Variants in STAT4 observed in about 807,000 individuals in gnomAD.
The protein encoded by STAT4 is signal transducer and activator of transcription 4.
Under a neutral mutation model 110.5 loss-of-function variants are expected in STAT4, and 42 were observed. That is an observed-to-expected ratio of 0.38 (90% CI 0.30 to 0.49). STAT4 has a LOEUF of 0.49. STAT4 is among the 20% of genes least tolerant of loss of function. STAT4 has a pLI of 0.95. For missense variants in STAT4, 632 were observed against 887.9 expected, an observed-to-expected ratio of 0.71 and a Z score of 3.66; for synonymous variants, 284 against 302.2, an observed-to-expected ratio of 0.94 and a Z score of 0.63.
Position 191,069,718 on chromosome 2 carries a change from G to A in STAT4, c.519C>T (p.Tyr173=). The A allele has an allele frequency of 6.2e-7, 1 of 1,609,698 alleles. No individual in the cohort carries two copies. The highest frequency in any genetic ancestry group is 8.5e-7 in the Non-Finnish European group (1 of 1,178,446). ...YLEDLQDEFD[Y]RYKTIQTMDQ... ...CCATTGTCTGAATTGTTTTATACCT[G>A]TAGTCAAATTCGTCTTGCAGATCTT... The change falls in exon 6 of 24, where the codon TAC becomes TAT. Residue 173 remains tyrosine (Y), a synonymous_variant. Transcript: ENST00000392320.
At chr2:191,111,135 A>G (rs1034658005) in intron 3 of STAT4, among the ~76,000 whole-genome samples, 2 of 152,242 alleles carry the variant, frequency 1.3e-5, no homozygotes, top group African/African-American at 4.8e-5. Context: ...ACATATAAAA[A>G]GCAAAAATAT....
At chr2:191,069,416 G>A (rs1697082419) in intron 6 of STAT4, among the ~76,000 whole-genome samples, 2 of 152,028 alleles carry the variant, frequency 1.3e-5, no homozygotes, top group South Asian at 4.1e-4. Context: ...TGCTGAAGTA[G>A]GGGTAATTCC....
chr2:191,044,500 A>C (rs528682418), intron 14 of STAT4, among the ~76,000 whole-genome samples: 1 of 152,190 alleles, frequency 6.6e-6, no homozygotes, highest in Non-Finnish European at 1.5e-5. Context: ...TTGGCTCCCT[A>C]GTACTTTTTC....
intron 3 of STAT4, among the ~76,000 whole-genome samples, chr2:191,079,832 A>G (rs999171359): frequency 1.5e-4 from 23 of 152,048 alleles, no homozygotes; most frequent in African/African-American, 5.3e-4. Context: ...AAATTTGTTG[A>G]GACTTGTTTT....
At chr2:191,084,457 A>G (rs952063659) in intron 3 of STAT4, among the ~76,000 whole-genome samples, 2 of 152,170 alleles carry the variant, frequency 1.3e-5, no homozygotes, top group African/African-American at 4.8e-5. Flanking sequence ...TTAAGAATTG[A>G]CATTACAATT....
intron 3 of STAT4, among the ~76,000 whole-genome samples, chr2:191,094,081 G>T (rs1166618133): frequency 2.0e-5 from 3 of 152,106 alleles, no homozygotes; most frequent in Non-Finnish European, 4.4e-5. Context: ...AAGAAATATG[G>T]GACTATGTGA....
chr2:191,131,029 G>A (rs1352594369), intron 3 of STAT4, among the ~76,000 whole-genome samples: 1 of 151,664 alleles, frequency 6.6e-6, no homozygotes, highest in African/African-American at 2.4e-5. Flanking sequence ...GAGGAAATAA[G>A]GCAGATATAC....
rs34244963 is a variant in STAT4, at chr2:191,141,614, CATAT to C, written c.273+4995_273+4998del. Among the ~76,000 whole-genome samples, 98 of 146,234 alleles carry C rather than the reference CATAT, an allele frequency of 6.7e-4. 1 individual carries two copies. Among genetic ancestry groups the C allele is most frequent in the African/African-American group, 2.1e-3 (82 of 39,956 alleles). On this transcript the variant is annotated intron_variant, in intron 3 of 23. Coordinates refer to ENST00000392320, the MANE Select transcript of STAT4 (RefSeq NM_003151.4). ...ATATATGTGTATATATACACACACA[CATAT>C]ATATATATATGATTATATATATATA...
intron 3 of STAT4, among the ~76,000 whole-genome samples, chr2:191,096,971 C>T (rs1698005486): frequency 6.6e-6 from 1 of 152,018 alleles, no homozygotes; most frequent in South Asian, 2.1e-4. Context: ...TCTTATACAC[C>T]AATAACAGAC....
rs541837064 is a variant in STAT4, at chr2:191,116,886, T to A, written c.273+29727A>T. Among the ~76,000 whole-genome samples, 1 of 152,212 alleles carries A rather than the reference T, an allele frequency of 6.6e-6. No homozygotes were observed. Among genetic ancestry groups the A allele is most frequent in the East Asian group, 1.9e-4 (1 of 5,204 alleles). ...CTTGAGGTGGACAGTAAATAAATCTTTGGGAATCCATCGCTTCCACTAAGA... is the reference window on the plus strand; with the variant it reads ...CTTGAGGTGGACAGTAAATAAATCTATGGGAATCCATCGCTTCCACTAAGA... On this transcript the variant is annotated intron_variant, in intron 3 of 23. Transcript: ENST00000392320. The surrounding 1 kb of genome is among the most constrained non-coding windows in gnomAD (Gnocchi z 4.1).
chr2:191,087,162 G>A (rs1478971693), intron 3 of STAT4, among the ~76,000 whole-genome samples: 1 of 152,106 alleles, frequency 6.6e-6, no homozygotes, highest in African/African-American at 2.4e-5. Flanking sequence ...CTATTCTCAG[G>A]ACTAATATAG....
chr2:191,051,514 A>C lies in STAT4; in HGVS notation c.1251+2976T>G, dbSNP rs1011003703. ...ATTGCCTGAAGAGGCAAAAACCAAC[A>C]CTGCTAACTCCACTATGCCACTGAG... is the stretch of plus-strand genomic sequence containing the variant. On this transcript the variant is annotated intron_variant, in intron 14 of 23. Coordinates refer to ENST00000392320, the MANE Select transcript of STAT4 (RefSeq NM_003151.4). This position sits in a 1 kb window ranked among gnomAD's most constrained non-coding sequence, Gnocchi z 5.6. Among the ~76,000 whole-genome samples, 7 of 152,236 alleles carry C rather than the reference A, an allele frequency of 4.6e-5. No homozygotes were observed. Among genetic ancestry groups the C allele is most frequent in the Admixed American group, 6.5e-5 (1 of 15,290 alleles).
At chr2:191,074,244 A>T (rs1278775427) in intron 4 of STAT4, among the ~76,000 whole-genome samples, 1 of 152,192 alleles carries the variant, frequency 6.6e-6, no homozygotes, top group Non-Finnish European at 1.5e-5. Context: ...CAGCCCCTTC[A>T]TCTTAAGTTG....
chr2:191,063,311 C>T (rs948890860), intron 8 of STAT4, among the ~76,000 whole-genome samples: 1 of 152,114 alleles, frequency 6.6e-6, no homozygotes, highest in Non-Finnish European at 1.5e-5. Context: ...TAAAAAAATG[C>T]CATGATTAAT....
In STAT4 at chr2:191,112,329, T is replaced by C. The variant is rs1698446805; in HGVS notation, c.273+34284A>G. On this transcript the variant is annotated intron_variant, in intron 3 of 23. Transcript: ENST00000392320. The surrounding 1 kb of genome is among the most constrained non-coding windows in gnomAD (Gnocchi z 4.3). The stretch of plus-strand genomic sequence containing the variant: ...TGTGACCTTGGGCAACAGCGTGACC[T>C]TTCCAAGCCTCAGTTCCCTCATCTG... Among the ~76,000 whole-genome samples the C allele has an allele frequency of 6.6e-6, 1 of 152,176 alleles. No homozygotes were observed. Among genetic ancestry groups the C allele is most frequent in the South Asian group, 2.1e-4 (1 of 4,830 alleles).
At position 191,086,509 on chromosome 2, in the gene STAT4, G is replaced by A. The variant is rs1697640314; in HGVS notation, c.274-10184C>T. Among the ~76,000 whole-genome samples, 2 of 152,136 alleles carry A rather than the reference G, an allele frequency of 1.3e-5. No individual in the cohort carries two copies. The highest frequency in any genetic ancestry group is 4.8e-5 in the African/African-American group (2 of 41,420). Reference sequence around the variant, plus strand: ...CATTTTATACAAATAATCAGACCAAGTATAATTAAACTAAAACTTACTGTG... The same window carrying A: ...CATTTTATACAAATAATCAGACCAAATATAATTAAACTAAAACTTACTGTG... On this transcript the variant is annotated intron_variant, in intron 3 of 23. Coordinates refer to ENST00000392320, the MANE Select transcript of STAT4 (RefSeq NM_003151.4). This position sits in a 1 kb window ranked among gnomAD's most constrained non-coding sequence, Gnocchi z 5.5.
intron 5 of STAT4, among the ~76,000 whole-genome samples, chr2:191,071,033 A>G (rs574566323): frequency 6.6e-6 from 1 of 152,326 alleles, no homozygotes; most frequent in East Asian, 1.9e-4. Flanking sequence ...CCATACTTAT[A>G]AACCTTAGAA....
chr2:191,094,923 A>C (rs1473905911), intron 3 of STAT4, among the ~76,000 whole-genome samples: 2 of 150,600 alleles, frequency 1.3e-5, no homozygotes, highest in African/African-American at 2.4e-5. Context: ...AAAGCAAAAA[A>C]AAAAAAAAAA....
chr2:191,062,977 AT>A lies in STAT4; in HGVS notation c.783-58del. The A allele has an allele frequency of 6.8e-7, 1 of 1,474,722 alleles. No homozygotes were observed. Among genetic ancestry groups the A allele is most frequent in the Non-Finnish European group, 9.3e-7 (1 of 1,079,436 alleles). 91.4% of individuals were successfully genotyped at this position (1,474,722 alleles called of 1,614,324 possible). On this transcript the variant is annotated intron_variant, in intron 8 of 23. Coordinates refer to ENST00000392320, the MANE Select transcript of STAT4 (RefSeq NM_003151.4). The surrounding 1 kb of genome is among the most constrained non-coding windows in gnomAD (Gnocchi z 4.9). ...TTTTTCCACTTAATAATAAAAAAGC[AT>A]TGTAACAATGGGTCATAGTTAATAA...
Sources: allele counts gnomAD v4.1 joint callset (sites outside exome capture counted in the v4.1 genomes callset), GRCh38; gene constraint gnomAD v4.1.1; non-coding constraint Gnocchi (gnomAD v3.1); transcripts MANE v1.5; gene names NCBI Gene and HGNC (gene_info 2026-07-23, HGNC 2026-07-21).